RGS9: variants seen among roughly 807,000 people sequenced by gnomAD.
The protein encoded by RGS9 is regulator of G protein signaling 9.
Under a neutral mutation model 102.0 loss-of-function variants are expected in RGS9, and 78 were observed. The observed-to-expected ratio is 0.76, with a 90% CI of 0.64 to 0.92. RGS9 has a LOEUF of 0.92. Among genes scored for constraint, RGS9 ranks in the 40% least tolerant of loss-of-function variants. RGS9 has a pLI of 0.00. For missense variants in RGS9, 833 were observed against 866.1 expected, an observed-to-expected ratio of 0.96 and a Z score of 0.48; for synonymous variants, 353 against 318.6, an observed-to-expected ratio of 1.11 and a Z score of -1.15.
intron 3 of RGS9, 158 bp downstream of exon 3, chr17:65,158,503 G>A: frequency 2.6e-6 from 2 of 763,004 alleles, no homozygotes; most frequent in Non-Finnish European, 4.7e-6. Flanking sequence ...AAAAGCAAAG[G>A]CAGGATAATT....
rs1398907815 is a variant in RGS9 at position 65,227,274 on chromosome 17, G to A, written c.1893-1G>A. ...TACTGGCTTTCCTCTTGCACCTGAA[G>A]CTTTTTCCAGATCAAAATGGATGTG... On this transcript the variant is annotated splice_acceptor_variant, in intron 18 of 18. Transcript: ENST00000262406. LOFTEE classifies it high-confidence loss of function. 3 of 1,614,142 alleles carry A rather than the reference G, an allele frequency of 1.9e-6. No homozygotes were observed. In the South Asian group the frequency reaches 3.3e-5, roughly 18 times the overall value.
intron 17 of RGS9, among the ~76,000 whole-genome samples, chr17:65,214,394 G>T (rs1431717989): frequency 6.6e-6 from 1 of 152,262 alleles, no homozygotes; most frequent in African/African-American, 2.4e-5. Context: ...GCTGTAGCCG[G>T]AGGCAGGATG....
intron 3 of RGS9, 146 bp downstream of exon 3, chr17:65,158,491 T>A: frequency 1.2e-6 from 1 of 803,438 alleles, no homozygotes; most frequent in East Asian, 2.5e-5. Context: ...AGTACCAGAA[T>A]CAAAAGCAAA....
intron 8 of RGS9, among the ~76,000 whole-genome samples, chr17:65,172,559 AAAAT>A (rs1424999669): frequency 1.3e-5 from 2 of 152,192 alleles, no homozygotes; most frequent in Non-Finnish European, 2.9e-5. Flanking sequence ...CCAAAAATAA[AAAAT>A]AAAAAAAATT....
intron 9 of RGS9, among the ~76,000 whole-genome samples, chr17:65,179,566 C>T (rs1214060885): frequency 6.7e-6 from 1 of 149,692 alleles, no homozygotes; most frequent in Admixed American, 6.8e-5. Context: ...AAGCACATCA[C>T]TCATTCTGAG....
chr17:65,216,142 G>A (rs986499596), intron 17 of RGS9, among the ~76,000 whole-genome samples: 9 of 152,130 alleles, frequency 5.9e-5, no homozygotes, highest in Non-Finnish European at 1.0e-4. Context: ...AGGGATTTGA[G>A]GCAGCTCATA....
intron 11 of RGS9, among the ~76,000 whole-genome samples, chr17:65,193,132 CTGG>C (rs1299542572): frequency 6.7e-6 from 1 of 149,638 alleles, no homozygotes; most frequent in African/African-American, 2.5e-5. Context: ...TTAGCCTGGC[CTGG>C]TGGTGCGCGT....
chr17:65,196,110 T>C lies in RGS9; in HGVS notation c.861-1016T>C, dbSNP rs557039878. On this transcript the variant is annotated intron_variant, in intron 12 of 18. Transcript: ENST00000262406. ...TATTTAATCTCTTTGAGCCTCAGTT[T>C]TCTTGACAATGAGATGGGATAGTAA... Among the ~76,000 whole-genome samples the C allele has an allele frequency of 3.9e-5, 6 of 152,376 alleles. No individual in the cohort carries two copies. In the South Asian group the frequency reaches 6.2e-4, roughly 16 times the overall value.
chr17:65,180,905 G>T (rs555952696), intron 9 of RGS9, among the ~76,000 whole-genome samples: 1 of 152,246 alleles, frequency 6.6e-6, no homozygotes, highest in South Asian at 2.1e-4. Flanking sequence ...GTGGTATTTG[G>T]TTTTCTGTTC....
chr17:65,201,010 C>T (rs1912812419), intron 13 of RGS9, among the ~76,000 whole-genome samples: 1 of 152,076 alleles, frequency 6.6e-6, no homozygotes, highest in Non-Finnish European at 1.5e-5. Context: ...TGCGCCCTAA[C>T]CCCTTAATTG....
chr17:65,148,721 G>T (rs1317918777), intron 1 of RGS9, among the ~76,000 whole-genome samples: 2 of 152,090 alleles, frequency 1.3e-5, no homozygotes, highest in East Asian at 3.9e-4. Context: ...TTGTGGGTAG[G>T]TGTGGGGAGG....
Position 65,160,204 on chromosome 17 carries a change from A to G in RGS9, c.206-29A>G, listed in dbSNP as rs764942299. ...GAGCTCCTGTCTCAGCCCTGCTCTTAACATCCATGTCTGAACTGCTTTTCC... is the reference window on the plus strand; with the variant it reads ...GAGCTCCTGTCTCAGCCCTGCTCTTGACATCCATGTCTGAACTGCTTTTCC... On this transcript the variant is annotated intron_variant, in intron 3 of 18. Transcript: ENST00000262406. 1.2e-5 allele frequency: 19 copies of G among 1,548,416 alleles called. No homozygotes were observed. In the East Asian group the frequency reaches 3.1e-4, roughly 26 times the overall value.
intron 7 of RGS9, among the ~76,000 whole-genome samples, chr17:65,167,209 AT>A (rs891363309): frequency 5.3e-5 from 8 of 151,236 alleles, no homozygotes; most frequent in African/African-American, 1.2e-4. Context: ...TTATTTATTT[AT>A]TTTTTTTTGA....
At chr17:65,164,038 T>C (rs1446013218) in intron 7 of RGS9, among the ~76,000 whole-genome samples, 1 of 152,190 alleles carries the variant, frequency 6.6e-6, no homozygotes, top group Admixed American at 6.5e-5. Flanking sequence ...GGAAGTCCCC[T>C]CCAGGGCTCT....
At position 65,145,842 on chromosome 17, in the gene RGS9, G is replaced by A. The variant is rs368252909; in HGVS notation, c.58-7580G>A. Among the ~76,000 whole-genome samples, 21 of 151,842 alleles carry A rather than the reference G, an allele frequency of 1.4e-4. 1 individual carries two copies. Among genetic ancestry groups the A allele is most frequent in the African/African-American group, 5.1e-4 (21 of 41,208 alleles). ...GGTTTCCTGGGGAGACTGAGGAGAC[G>A]CCTCAGAGGAATTTGTACGGGGAAA... is the stretch of plus-strand genomic sequence containing the variant. On this transcript the variant is annotated intron_variant, in intron 1 of 18. Coordinates refer to ENST00000262406, the MANE Select transcript of RGS9 (RefSeq NM_003835.4).
intron 1 of RGS9, among the ~76,000 whole-genome samples, chr17:65,148,657 C>T (rs1445848215): frequency 1.3e-5 from 2 of 152,074 alleles, no homozygotes; most frequent in Admixed American, 6.6e-5. Flanking sequence ...TTCTGTTGGC[C>T]CTCTCTGCAC....
chr17:65,157,519 A>T (rs1215672876), intron 2 of RGS9, among the ~76,000 whole-genome samples: 2 of 151,596 alleles, frequency 1.3e-5, no homozygotes, highest in Admixed American at 6.6e-5. Context: ...ACGGGTGCAC[A>T]TTCTCTCCTG....
intron 3 of RGS9, chr17:65,158,894 G>A (rs1029130737): frequency 4.1e-6 from 1 of 242,258 alleles, no homozygotes; most frequent in African/African-American, 2.2e-5. Flanking sequence ...AGGGTGCCTC[G>A]CAGTGTCAGG....
At chr17:65,225,517 A>T (rs1029221630) in intron 18 of RGS9, 31 bp downstream of exon 18, 12 of 1,599,426 alleles carry the variant, frequency 7.5e-6, no homozygotes, top group Non-Finnish European at 1.0e-5. Context: ...TGCCGTATGC[A>T]TGGGTGGCTG....
Sources: gnomAD v4.1 joint callset for allele counts (sites outside exome capture counted in the v4.1 genomes callset) on GRCh38, gnomAD v4.1.1 for gene constraint, MANE v1.5 for transcripts, NCBI Gene and HGNC (gene_info 2026-07-23, HGNC 2026-07-21) for gene names.